MYOCOS: variants seen among roughly 807,000 people sequenced by gnomAD.
MYOCOS encodes myocilin opposite strand.
At chr1:171,602,579 CA>C (rs1433351487) in intron 1 of MYOCOS, among the ~76,000 whole-genome samples, 2 of 152,020 alleles carry the variant, frequency 1.3e-5, no homozygotes, top group East Asian at 3.9e-4. Flanking sequence ...TGCTCTTTAA[CA>C]AAAATTATAA....
intron 1 of MYOCOS, among the ~76,000 whole-genome samples, chr1:171,612,051 G>C (rs771666111): frequency 3.9e-5 from 6 of 152,028 alleles, no homozygotes; most frequent in Non-Finnish European, 5.9e-5. Flanking sequence ...TGCTGGCCCT[G>C]TACCCTTTAG....
In MYOCOS at chr1:171,615,708, C is replaced by T. The variant is rs139263375; in HGVS notation, c.-44+703C>T. On this transcript the variant is annotated intron_variant, in intron 2 of 3. Transcript: ENST00000636697. ...GGTGCATGCAGCCCCTGTCACGTAC[C>T]GCCTGCTTGCTCAAATCAATCACGA... is the stretch of plus-strand genomic sequence containing the variant. Among the ~76,000 whole-genome samples the T allele has an allele frequency of 3.9e-3, 588 of 152,334 alleles. 4 individuals are homozygous for T. Among genetic ancestry groups the T allele is most frequent in the African/African-American group, 0.013 (520 of 41,574 alleles).
upstream of MYOCOS, among the ~76,000 whole-genome samples, chr1:171,619,761 G>A (rs886581994): frequency 1.3e-4 from 20 of 151,366 alleles, no homozygotes; most frequent in Non-Finnish European, 1.8e-4. Context: ...ATTTGAACCC[G>A]GGAGGTGGAG....
intron 2 of MYOCOS, among the ~76,000 whole-genome samples, chr1:171,624,980 CA>C (rs1051764511): frequency 6.6e-6 from 1 of 152,056 alleles, no homozygotes; most frequent in African/African-American, 2.4e-5. Context: ...TCAAAAAAAT[CA>C]AAATTATTGA....
intron 2 of MYOCOS, among the ~76,000 whole-genome samples, chr1:171,624,192 T>C (rs936381398): frequency 2.0e-5 from 3 of 152,140 alleles, no homozygotes; most frequent in African/African-American, 7.2e-5. Flanking sequence ...ATGACACCCA[T>C]TTGTGTATGT....
intron 1 of MYOCOS, among the ~76,000 whole-genome samples, chr1:171,605,068 A>G (rs550276226): frequency 6.7e-6 from 1 of 150,258 alleles, no homozygotes; most frequent in Non-Finnish European, 1.5e-5. Flanking sequence ...AGTACCTGAG[A>G]TTCCAGGAAA....
chr1:171,619,123 G>A (rs1652507100), upstream of MYOCOS, among the ~76,000 whole-genome samples: 2 of 152,090 alleles, frequency 1.3e-5, no homozygotes, highest in Admixed American at 1.3e-4. Flanking sequence ...TATGTATTTG[G>A]TGAGTGGAAA....
intron 2 of MYOCOS, among the ~76,000 whole-genome samples, chr1:171,625,017 A>G (rs1452463693): frequency 1.3e-5 from 2 of 152,258 alleles, no homozygotes; most frequent in African/African-American, 2.4e-5. Flanking sequence ...ACAGACTTCC[A>G]TCTAATGTTG....
rs141773591 is a variant in MYOCOS at position 171,606,489 on chromosome 1, C to A, written c.-252+5409C>A. Among the ~76,000 whole-genome samples, 491 of 152,268 alleles carry A rather than the reference C, an allele frequency of 3.2e-3. 13 individuals carry two copies. In the East Asian group the frequency reaches 0.078, roughly 24 times the overall value. On this transcript the variant is annotated intron_variant, in intron 1 of 3. Coordinates refer to the MYOCOS transcript ENST00000636697. The stretch of plus-strand genomic sequence containing the variant: ...CCAGGCCTGGCCTGCCTGGCCTAAA[C>A]CCAGTAGTTAAAAATCAACTCCTGA...
intron 2 of MYOCOS, among the ~76,000 whole-genome samples, chr1:171,624,845 A>T (rs927615815): frequency 3.9e-5 from 6 of 152,084 alleles, no homozygotes; most frequent in African/African-American, 1.4e-4. Flanking sequence ...CAGCATCCCA[A>T]GGTGCTGGGA....
At chr1:171,616,129 A>G (rs996745278) in intron 2 of MYOCOS, among the ~76,000 whole-genome samples, 4 of 152,194 alleles carry the variant, frequency 2.6e-5, no homozygotes, top group Non-Finnish European at 5.9e-5. Context: ...AAGCAGGAGA[A>G]TCGCTTGAAC....
At chr1:171,614,255 T>C (rs1652408046) in intron 1 of MYOCOS, among the ~76,000 whole-genome samples, 1 of 152,086 alleles carries the variant, frequency 6.6e-6, no homozygotes, top group Admixed American at 6.5e-5. Flanking sequence ...ATACAAATGG[T>C]GTTAGGTCAA....
At chr1:171,616,245 C>CA (rs970060039) in intron 2 of MYOCOS, among the ~76,000 whole-genome samples, 1 of 142,384 alleles carries the variant, frequency 7.0e-6, no homozygotes, top group Non-Finnish European at 1.5e-5. Flanking sequence ...AACAAACAAA[C>CA]AAAAAAACAA....
At chr1:171,625,620 G>A (rs891651035) in intron 2 of MYOCOS, among the ~76,000 whole-genome samples, 1 of 152,190 alleles carries the variant, frequency 6.6e-6, no homozygotes, top group Non-Finnish European at 1.5e-5. Flanking sequence ...TGAGGAGGAT[G>A]GGGAGACTCT....
intron 2 of MYOCOS, among the ~76,000 whole-genome samples, chr1:171,616,071 G>T (rs147824616): frequency 0.016 from 2,429 of 151,422 alleles, 65 homozygotes; most frequent in African/African-American, 0.055. Flanking sequence ...ACAAAAATTT[G>T]CCAGGCATGG....
At chr1:171,611,225 C>T (rs542243855) in intron 1 of MYOCOS, among the ~76,000 whole-genome samples, 2 of 152,278 alleles carry the variant, frequency 1.3e-5, no homozygotes, top group African/African-American at 4.8e-5. Context: ...TCTCTTTAAG[C>T]TGACTATAAG....
intron 1 of MYOCOS, among the ~76,000 whole-genome samples, chr1:171,605,707 C>T (rs551120744): frequency 4.0e-5 from 6 of 151,878 alleles, no homozygotes; most frequent in Non-Finnish European, 7.4e-5. Context: ...GAAAAGATGA[C>T]GAATGACCTC....
At chr1:171,605,423 G>C (rs527861114) in intron 1 of MYOCOS, among the ~76,000 whole-genome samples, 20 of 137,834 alleles carry the variant, frequency 1.5e-4, no homozygotes, top group Non-Finnish European at 2.5e-4. Flanking sequence ...ACATGATAAA[G>C]TTCCAGTTAC....
upstream of MYOCOS, among the ~76,000 whole-genome samples, chr1:171,621,711 T>G (rs867849235): frequency 5.9e-5 from 9 of 152,110 alleles, no homozygotes; most frequent in South Asian, 6.2e-4. Context: ...AGAAATAGAC[T>G]GCCGCCTTGA....
Sources: allele counts gnomAD v4.1 joint callset (sites outside exome capture counted in the v4.1 genomes callset), GRCh38; gene constraint gnomAD v4.1.1; transcripts MANE v1.5; gene names NCBI Gene and HGNC (gene_info 2026-07-23, HGNC 2026-07-21).